The following ASB10 variants were observed in gnomAD, a reference collection of about 807,000 sequenced individuals.
ASB10 encodes the protein ankyrin repeat and SOCS box protein 10.
ASB10 carries 44 observed loss-of-function variants against 35.4 expected under a neutral mutation model. That is an observed-to-expected ratio of 1.24 (90% CI 0.98 to 1.60). The LOEUF (loss-of-function observed/expected upper bound fraction) is 1.60, where lower values mean the gene tolerates loss of function less well. Among genes scored for constraint, ASB10 ranks in the 40% most tolerant of loss-of-function variants. The pLI is 0.00. For missense variants in ASB10, 647 were observed against 634.3 expected, an observed-to-expected ratio of 1.02 and a Z score of -0.22; for synonymous variants, 294 against 280.4, an observed-to-expected ratio of 1.05 and a Z score of -0.49.
rs78970795 is a variant in ASB10, at chr7:151,179,033, T to A, written c.1104+1906A>T. On this transcript the variant is annotated intron_variant, in intron 3 of 5. Coordinates refer to ENST00000420175, the MANE Select transcript of ASB10 (RefSeq NM_001142459.2). ...AGTCCTGCCTCCTCCAGGAAGCCCA[T>A]GCAGCTACATCAACCTGCTTCACTC... Among the ~76,000 whole-genome samples the A allele has an allele frequency of 5.9e-3, 901 of 152,286 alleles. 9 individuals carry two copies. The highest frequency in any genetic ancestry group is 0.01 in the Middle Eastern group (3 of 294).
intron 2 of ASB10, among the ~76,000 whole-genome samples, chr7:151,185,872 G>T (rs920964264): frequency 1.3e-5 from 2 of 152,100 alleles, no homozygotes; most frequent in African/African-American, 4.8e-5. Context: ...ATGATCTGAG[G>T]GTGCCCTACC....
At chr7:151,187,649 C>T (rs777390304), upstream of ASB10, 112 of 1,530,250 alleles carry the variant, frequency 7.3e-5, no homozygotes, top group African/African-American at 1.3e-3. The surrounding 1 kb of genome is among the most constrained non-coding windows in gnomAD (Gnocchi z 5.3). Context: ...CCTCCAGATC[C>T]GGCAGGCCGG....
intron 3 of ASB10, among the ~76,000 whole-genome samples, chr7:151,180,524 G>A (rs1801464826): frequency 6.6e-6 from 1 of 152,108 alleles, no homozygotes; most frequent in Non-Finnish European, 1.5e-5. Context: ...GCTTCCTCAA[G>A]TGCTATTTTC....
intron 2 of ASB10, among the ~76,000 whole-genome samples, chr7:151,184,966 G>A (rs1402533444): frequency 6.6e-6 from 1 of 151,848 alleles, no homozygotes; most frequent in Non-Finnish European, 1.5e-5. Context: ...AGCTTGCAGT[G>A]AGCCGAGATC....
rs1244988197 is a variant in ASB10, at chr7:151,187,235, CCCACGCT to C, written c.-112_-106del. 6.5e-7 allele frequency: 1 copy of C among 1,531,556 alleles called. No homozygotes were observed. The highest frequency in any genetic ancestry group is 8.8e-7 in the Non-Finnish European group (1 of 1,136,514). 94.9% of individuals were successfully genotyped at this position (1,531,556 alleles called of 1,614,324 possible). On this transcript the variant is annotated 5_prime_UTR_variant, in exon 1 of 6. Coordinates refer to ENST00000420175, the MANE Select transcript of ASB10 (RefSeq NM_001142459.2). The surrounding 1 kb of genome is among the most constrained non-coding windows in gnomAD (Gnocchi z 5.3). The stretch of plus-strand genomic sequence containing the variant: ...ACAGACAGACAGAAGGCCCCTGTGT[CCCACGCT>C]CCGAGGCTGACCTGGCCACGCATCC...
At chr7:151,185,902 T>C (rs1456524556) in intron 2 of ASB10, among the ~76,000 whole-genome samples, 1 of 152,122 alleles carries the variant, frequency 6.6e-6, no homozygotes, top group Non-Finnish European at 1.5e-5. Flanking sequence ...ATTCTAGACC[T>C]GTCTTGGAAA....
At position 151,186,837 on chromosome 7, in the gene ASB10, G is replaced by A. The variant is rs778881392; in HGVS notation, c.294C>T (p.Phe98=). 6 of 1,604,590 alleles carry A rather than the reference G, an allele frequency of 3.7e-6. No individual in the cohort carries two copies. The highest frequency in any genetic ancestry group is 5.1e-6 in the Non-Finnish European group (6 of 1,173,628). ...DTSDPERWRD[F]RFNIRALRLW... ...TACTCAGAGCACGGATGTTGAAGCG[G>A]AAATCCCTCCATCGCTCTGGGTCGC... Residue 98 remains phenylalanine, a synonymous_variant, in exon 1 of 6, where the codon TTC becomes TTT. Transcript: ENST00000420175.
Position 151,176,656 on chromosome 7 carries a change from C to A in ASB10, c.1125G>T (p.Thr375=). 6.4e-7 allele frequency: 1 copy of A among 1,551,284 alleles called. No homozygotes were observed. ...ALPKVLERWS[T]CPRTIEVLMN... is the part of the protein sequence containing the mutation. ...TCAGGACCTCGATGGTCCGAGGGCACGTGCTCCAGCGCTCCAGCACCTGTG... is the reference window on the plus strand; with the variant it reads ...TCAGGACCTCGATGGTCCGAGGGCAAGTGCTCCAGCGCTCCAGCACCTGTG... Residue 375 remains threonine (T), a synonymous_variant, in exon 4 of 6, where the codon ACG becomes ACT. Coordinates refer to ENST00000420175, the MANE Select transcript of ASB10 (RefSeq NM_001142459.2).
Position 151,186,376 on chromosome 7 carries a change from G to A in ASB10, c.584+16C>T. Reference sequence around the variant, plus strand: ...CTTCAGAGTGGAACTGGGGGTTGGGGTGAGGGGTCACTCACTCAAGGGTGC... The same window carrying A: ...CTTCAGAGTGGAACTGGGGGTTGGGATGAGGGGTCACTCACTCAAGGGTGC... On this transcript the variant is annotated intron_variant, in intron 2 of 5. Transcript: ENST00000420175. 1 of 1,571,200 alleles carries A rather than the reference G, an allele frequency of 6.4e-7. No homozygotes were observed. Among genetic ancestry groups the A allele is most frequent in the East Asian group, 2.3e-5 (1 of 42,776 alleles).
chr7:151,181,072 T>A lies in ASB10; in HGVS notation c.971A>T (p.Asp324Val), dbSNP rs751323178. ...GTGCAGGGGCGTGTGTCCCCCATAG[T>A]CCATGGTGTTGGCGCTGACACCACA... ...LSCGVSANTMDYGGHTPLHCA... is the reference protein window; with the variant it reads ...LSCGVSANTMVYGGHTPLHCA... The change falls in exon 3 of 6, where the codon GAC becomes GTC. Residue 324 changes from aspartate (D) to valine (V), a missense_variant. Transcript: ENST00000420175. 6.2e-7 allele frequency: 1 copy of A among 1,612,488 alleles called. No homozygotes were observed. The highest frequency in any genetic ancestry group is 2.2e-5 in the East Asian group (1 of 44,854).
At chr7:151,182,734 G>A (rs1286561080) in intron 2 of ASB10, among the ~76,000 whole-genome samples, 1 of 152,110 alleles carries the variant, frequency 6.6e-6, no homozygotes. Context: ...TGTGTAGAAT[G>A]GGGATAATTA....
chr7:151,181,483 G>T (rs762543114), intron 2 of ASB10, 25 bp from the exon 3 acceptor site: 1 of 1,553,428 alleles, frequency 6.4e-7, no homozygotes, highest in Non-Finnish European at 8.7e-7. Context: ...CGGTGGTGGG[G>T]AGGAAAGCGG....
rs779449575 is a variant in ASB10, at chr7:151,181,039, A to G, written c.1004T>C (p.Leu335Pro). 1.9e-5 allele frequency: 30 copies of G among 1,610,920 alleles called. No individual in the cohort carries two copies. The highest frequency in any genetic ancestry group is 2.2e-5 in the Non-Finnish European group (26 of 1,178,796). The change falls in exon 3 of 6, where the codon CTG (leucine) becomes CCG (proline). Residue 335 changes from leucine (L) to proline (P), a missense_variant. Physicochemically the swap from Leu to Pro is moderately conservative, Grantham distance 98 (BLOSUM62 -3). Transcript: ENST00000420175. ...GGCCAGGGCTGCAGCTGGGCCCTGC[A>G]GAGCACAGTGCAGGGGCGTGTGTCC... ...YGGHTPLHCA[L>P]QGPAAALAQS...
chr7:151,181,756 G>C (rs547047837), intron 2 of ASB10, among the ~76,000 whole-genome samples: 42 of 152,050 alleles, frequency 2.8e-4, no homozygotes, highest in Non-Finnish European at 4.9e-4. Flanking sequence ...GGGATTACAG[G>C]CTCCCACCAC....
At position 151,183,895 on chromosome 7, in the gene ASB10, T is replaced by C. The variant is rs115015875; in HGVS notation, c.585-2437A>G. Among the ~76,000 whole-genome samples the C allele has an allele frequency of 4.2e-3, 641 of 152,148 alleles. 8 individuals are homozygous for C. Among genetic ancestry groups the C allele is most frequent in the African/African-American group, 0.014 (598 of 41,520 alleles). ...GCCACTGCGCCCGGCCTCAATTTTA[T>C]ATTGATTACATGTCAACATGATAAC... On this transcript the variant is annotated intron_variant, in intron 2 of 5. Transcript: ENST00000420175.
At chr7:151,180,864 G>A in intron 3 of ASB10, 75 bp downstream of exon 3, 1 of 1,424,836 alleles carries the variant, frequency 7.0e-7, no homozygotes. Context: ...ACATTCCAAA[G>A]CAAACCGGAG....
In ASB10 at chr7:151,184,361, C is replaced by G. The variant is rs933139295; in HGVS notation, c.584+2031G>C. ...CCGGGAGGCGGAGCTTGCAGTGAGC[C>G]GATATCACGCCACTGCACTCCAGCC... On this transcript the variant is annotated intron_variant, in intron 2 of 5. Transcript: ENST00000420175. Among the ~76,000 whole-genome samples the G allele has an allele frequency of 4.0e-5, 6 of 150,198 alleles. No homozygotes were observed. In the East Asian group the frequency reaches 9.9e-4, roughly 25 times the overall value.
intron 5 of ASB10, 47 bp from the exon 6 acceptor site, chr7:151,176,013 G>C (rs973524161): frequency 3.6e-6 from 5 of 1,383,714 alleles, no homozygotes; most frequent in Non-Finnish European, 4.9e-6. Flanking sequence ...GTTCGGGGAC[G>C]GGCCGGTTCT....
intron 2 of ASB10, among the ~76,000 whole-genome samples, chr7:151,182,022 C>T (rs1563571958): frequency 1.3e-5 from 2 of 152,234 alleles, no homozygotes; most frequent in African/African-American, 4.8e-5. Context: ...AGAACAGGCG[C>T]CTGCTAAGGG....
Sources: allele counts gnomAD v4.1 joint callset (sites outside exome capture counted in the v4.1 genomes callset), GRCh38; gene constraint gnomAD v4.1.1; non-coding constraint Gnocchi (gnomAD v3.1); transcripts MANE v1.5; gene names NCBI Gene and HGNC (gene_info 2026-07-23, HGNC 2026-07-21).